Variants in CXXC4 observed in about 807,000 individuals in gnomAD.
CXXC4 encodes the protein CXXC-type zinc finger protein 4.
CXXC4 carries 5 observed loss-of-function variants against 20.5 expected under a neutral mutation model. The ratio of observed to expected loss-of-function variants is 0.24; its 90% CI spans 0.13 to 0.51. The LOEUF (loss-of-function observed/expected upper bound fraction) is 0.51, where lower values mean the gene tolerates loss of function less well. Among genes scored for constraint, CXXC4 ranks in the 20% least tolerant of loss-of-function variants. The pLI is 0.97. For synonymous variants in CXXC4, 250 were observed against 216.4 expected, an observed-to-expected ratio of 1.16 and a Z score of -1.36; for missense variants, 419 against 496.4, an observed-to-expected ratio of 0.84 and a Z score of 1.48.
chr4:104,482,776 A>G lies in CXXC4; in HGVS notation c.1059+7968T>C, dbSNP rs115313558. 7.6e-3 allele frequency among the ~76,000 whole-genome samples: 1,156 copies of G among 152,220 alleles called. 18 individuals are homozygous for G. Among genetic ancestry groups the G allele is most frequent in the African/African-American group, 0.025 (1,045 of 41,564 alleles). ...GCATTTGCCAGATTTGCTGAAATAG[A>G]CAGAAATGTCCAAATTTTTCCTAAT... On this transcript the variant is annotated intron_variant, in intron 2 of 2. Coordinates refer to ENST00000394767, the MANE Select transcript of CXXC4 (RefSeq NM_025212.4).
intron 2 of CXXC4, among the ~76,000 whole-genome samples, chr4:104,480,444 T>C (rs987296473): frequency 2.0e-5 from 3 of 152,172 alleles, no homozygotes; most frequent in African/African-American, 7.2e-5. Flanking sequence ...AGGGGTTGGA[T>C]AGCCTTGAGC....
intron 2 of CXXC4, among the ~76,000 whole-genome samples, chr4:104,487,650 AG>A (rs1324479962): frequency 6.6e-6 from 1 of 152,190 alleles, no homozygotes; most frequent in African/African-American, 2.4e-5. Flanking sequence ...TTGTCACACA[AG>A]GGGCAGAGAG....
chr4:104,477,604 TA>T (rs1229617643), intron 2 of CXXC4, among the ~76,000 whole-genome samples: 1 of 152,058 alleles, frequency 6.6e-6, no homozygotes, highest in Non-Finnish European at 1.5e-5. Context: ...CTAGTAACTA[TA>T]ATAGAGTTAT....
At chr4:104,476,195 G>GAT (rs5860768) in intron 2 of CXXC4, among the ~76,000 whole-genome samples, 1,723 of 151,992 alleles carry the variant, frequency 0.011, 14 homozygotes, top group South Asian at 0.032. Context: ...GTTCCTGGCA[G>GAT]ATATATATAT....
intron 2 of CXXC4, among the ~76,000 whole-genome samples, chr4:104,487,833 T>A (rs980262350): frequency 6.6e-6 from 1 of 152,182 alleles, no homozygotes; most frequent in Non-Finnish European, 1.5e-5. Context: ...AACACATTTC[T>A]AGGGCATCAT....
intron 2 of CXXC4, among the ~76,000 whole-genome samples, chr4:104,478,094 A>G (rs1419197836): frequency 6.6e-6 from 1 of 152,132 alleles, no homozygotes; most frequent in Non-Finnish European, 1.5e-5. Flanking sequence ...TTCCAAATTG[A>G]CATTTGTGAC....
intron 2 of CXXC4, among the ~76,000 whole-genome samples, chr4:104,478,276 T>C (rs1244549126): frequency 6.6e-6 from 1 of 152,174 alleles, no homozygotes; most frequent in Admixed American, 6.6e-5. Flanking sequence ...CGGTGTGACT[T>C]TAGAAGGTAA....
intron 2 of CXXC4, among the ~76,000 whole-genome samples, chr4:104,477,715 TTAA>T (rs1302201831): frequency 1.3e-5 from 2 of 152,008 alleles, no homozygotes; most frequent in African/African-American, 4.8e-5. Context: ...AAACATTTTA[TTAA>T]TAATATCTAA....
At chr4:104,475,865 G>T (rs1736388259) in intron 2 of CXXC4, among the ~76,000 whole-genome samples, 2 of 152,066 alleles carry the variant, frequency 1.3e-5, no homozygotes, top group African/African-American at 4.8e-5. Flanking sequence ...GAATAGAATT[G>T]AGTTGATCGG....
chr4:104,491,603 GTGA>G lies in CXXC4; in HGVS notation c.197_199del (p.Ile66del). ...GGCGCTGCTGGGGAAGATGGGGGTG[GTGA>G]TGCGCGCGATCTTGGCCGCCTGTGG... On this transcript the variant is annotated inframe_deletion, in exon 2 of 3. Coordinates refer to ENST00000394767, the MANE Select transcript of CXXC4 (RefSeq NM_025212.4). 1 of 1,541,228 alleles carries G rather than the reference GTGA, an allele frequency of 6.5e-7. No individual in the cohort carries two copies. Among genetic ancestry groups the G allele is most frequent in the Non-Finnish European group, 8.7e-7 (1 of 1,143,326 alleles).
intron 2 of CXXC4, among the ~76,000 whole-genome samples, chr4:104,490,411 T>C (rs1736814084): frequency 6.6e-6 from 1 of 152,204 alleles, no homozygotes; most frequent in African/African-American, 2.4e-5. Context: ...TGCCCCACCC[T>C]TTTTAATGAG....
intron 2 of CXXC4, among the ~76,000 whole-genome samples, chr4:104,479,224 T>A (rs1736495343): frequency 6.6e-6 from 1 of 152,048 alleles, no homozygotes; most frequent in Non-Finnish European, 1.5e-5. Flanking sequence ...AAGAGAAACA[T>A]AAATATTCAT....
chr4:104,469,821 T>TAAAAAAATG lies in CXXC4; in HGVS notation c.*2500_*2501insCATTTTTTT, dbSNP rs1736217271. The TAAAAAAATG allele has an allele frequency of 6.6e-6, 1 of 151,974 alleles. No homozygotes were observed. The highest frequency in any genetic ancestry group is 1.5e-5 in the Non-Finnish European group (1 of 67,934). The allele number at this position is 151,974 out of a possible 1,614,324, so 9.4% of individuals were successfully genotyped here. ...GAAAAGCTACACTTTCTCATTTCAG[T>TAAAAAAATG]AATCAACAAATTTTCTTTCATTAAA... is the stretch of plus-strand genomic sequence containing the variant. On this transcript the variant is annotated 3_prime_UTR_variant, in exon 3 of 3. Transcript: ENST00000394767.
chr4:104,486,025 C>T (rs1045335268), intron 2 of CXXC4, among the ~76,000 whole-genome samples: 1 of 151,936 alleles, frequency 6.6e-6, no homozygotes, highest in Non-Finnish European at 1.5e-5. Context: ...TCTTATATGC[C>T]TTGTGTTTGC....
At chr4:104,473,610 G>C (rs1395923937) in intron 2 of CXXC4, among the ~76,000 whole-genome samples, 1 of 151,902 alleles carries the variant, frequency 6.6e-6, no homozygotes, top group Admixed American at 6.6e-5. Context: ...TCCTGCAAAA[G>C]AAAGTTGACT....
intron 1 of CXXC4, 115 bp from the exon 2 acceptor site, chr4:104,492,174 C>T (rs1392528544): frequency 6.3e-6 from 1 of 157,846 alleles, no homozygotes; most frequent in Admixed American, 6.5e-5. Flanking sequence ...TCCATCAGGT[C>T]GTTTGCATAA....
At chr4:104,472,597 T>C (rs577390438) in intron 2 of CXXC4, among the ~76,000 whole-genome samples, 1 of 152,052 alleles carries the variant, frequency 6.6e-6, no homozygotes, top group South Asian at 2.1e-4. Flanking sequence ...AACACATTGG[T>C]TTAAAAATAT....
intron 2 of CXXC4, among the ~76,000 whole-genome samples, chr4:104,481,876 T>A (rs1215736239): frequency 6.6e-6 from 1 of 152,200 alleles, no homozygotes; most frequent in Non-Finnish European, 1.5e-5. Flanking sequence ...AAAAATACGC[T>A]ATTTGTAAAA....
At chr4:104,492,649 AG>A (rs1462509179) in intron 1 of CXXC4, among the ~76,000 whole-genome samples, 1 of 152,300 alleles carries the variant, frequency 6.6e-6, no homozygotes, top group East Asian at 1.9e-4. Flanking sequence ...CTAAAGAGGC[AG>A]GGAAAAAAGA....
Sources: gnomAD v4.1 joint callset for allele counts (sites outside exome capture counted in the v4.1 genomes callset) on GRCh38, gnomAD v4.1.1 for gene constraint, MANE v1.5 for transcripts, NCBI Gene and HGNC (gene_info 2026-07-23, HGNC 2026-07-21) for gene names.